DLG1: variants seen among roughly 807,000 people sequenced by gnomAD.
The protein encoded by DLG1 is disks large homolog 1.
In DLG1, 42 loss-of-function variants were observed where a neutral mutation model predicts 123.4. The ratio of observed to expected loss-of-function variants is 0.34; its 90% CI spans 0.27 to 0.44. The LOEUF (loss-of-function observed/expected upper bound fraction) is 0.44. DLG1 is among the 20% of genes least tolerant of loss of function. The pLI, the probability that DLG1 is intolerant of heterozygous loss-of-function variation, is 1.00. For synonymous variants in DLG1, 317 were observed against 356.2 expected (o/e 0.89, Z 1.24); for missense variants, 942 against 1,082.6 (o/e 0.87, Z 1.82).
intron 5 of DLG1, among the ~76,000 whole-genome samples, chr3:197,152,785 A>AAG: frequency 6.6e-6 from 1 of 150,750 alleles, no homozygotes. Context: ...AAAAAAAAAA[A>AAG]AGTCAAGTTT....
At chr3:197,105,056 G>C in intron 13 of DLG1, 51 bp from the exon 14 acceptor site, 4 of 1,184,262 alleles carry the variant, frequency 3.4e-6, no homozygotes, top group Non-Finnish European at 4.9e-6. Flanking sequence ...ACTGTGATTA[G>C]AAATCACAAT....
chr3:197,296,621 T>C, intron 2 of DLG1, 144 bp from the exon 3 acceptor site: 2 of 613,226 alleles, frequency 3.3e-6, no homozygotes, highest in Non-Finnish European at 5.4e-6. Flanking sequence ...TGTACACATA[T>C]TCCTTAGAAT....
At chr3:197,116,152 T>C (rs1302881436) in intron 12 of DLG1, 69 bp from the exon 13 acceptor site, 2 of 1,203,328 alleles carry the variant, frequency 1.7e-6, no homozygotes, top group Non-Finnish European at 2.3e-6. Context: ...CAGTGAGAAC[T>C]ACCTACTGAT....
intron 8 of DLG1, among the ~76,000 whole-genome samples, chr3:197,139,059 C>T (rs1255910434): frequency 1.3e-5 from 2 of 152,148 alleles, no homozygotes; most frequent in Non-Finnish European, 2.9e-5. Flanking sequence ...GATTAGGTCA[C>T]TTAATTCAAA....
At chr3:197,285,348 C>T (rs902692777) in intron 3 of DLG1, among the ~76,000 whole-genome samples, 4 of 151,914 alleles carry the variant, frequency 2.6e-5, no homozygotes, top group Non-Finnish European at 5.9e-5. Context: ...GCAATACTAA[C>T]TTAGGGTCAG....
intron 15 of DLG1, among the ~76,000 whole-genome samples, chr3:197,089,518 C>A (rs1258929498): frequency 1.4e-5 from 2 of 148,118 alleles, no homozygotes; most frequent in African/African-American, 2.5e-5. Flanking sequence ...CAAAGTGAGA[C>A]CCTGTCTTTA....
intron 7 of DLG1, among the ~76,000 whole-genome samples, chr3:197,140,914 A>C (rs1423861674): frequency 6.6e-6 from 1 of 152,220 alleles, no homozygotes; most frequent in East Asian, 1.9e-4. Flanking sequence ...CAGCAAAGTA[A>C]ATTTTGCCAA....
intron 5 of DLG1, among the ~76,000 whole-genome samples, chr3:197,181,387 C>G (rs557257446): frequency 1.3e-5 from 2 of 152,102 alleles, no homozygotes; most frequent in Non-Finnish European, 2.9e-5. Context: ...AATCGCAGTA[C>G]AAAACACTAT....
At chr3:197,182,134 T>C (rs1292020532) in intron 5 of DLG1, among the ~76,000 whole-genome samples, 1 of 152,056 alleles carries the variant, frequency 6.6e-6, no homozygotes, top group Non-Finnish European at 1.5e-5. Context: ...ATAAACCATA[T>C]ATATATATAA....
At chr3:197,237,538 T>C (rs1317454157) in intron 4 of DLG1, among the ~76,000 whole-genome samples, 3 of 152,162 alleles carry the variant, frequency 2.0e-5, no homozygotes, top group African/African-American at 7.2e-5. Flanking sequence ...ACCAACCATA[T>C]ACACACCAGC....
chr3:197,229,327 TA>T (rs35391772), intron 4 of DLG1, among the ~76,000 whole-genome samples: 3 of 150,924 alleles, frequency 2.0e-5, no homozygotes, highest in Non-Finnish European at 4.4e-5. Context: ...AGTCCATCTC[TA>T]AAAAAAATAT....
chr3:197,241,002 T>C (rs527408275), intron 4 of DLG1, among the ~76,000 whole-genome samples: 7 of 152,012 alleles, frequency 4.6e-5, no homozygotes, highest in East Asian at 1.9e-4. Flanking sequence ...AAAGAAATAA[T>C]AGAAAACTTT....
chr3:197,166,618 G>A (rs1296210344), intron 5 of DLG1, among the ~76,000 whole-genome samples: 2 of 152,168 alleles, frequency 1.3e-5, no homozygotes, highest in African/African-American at 4.8e-5. Flanking sequence ...GGCCGGGCAC[G>A]GAGGCTCATG....
intron 4 of DLG1, among the ~76,000 whole-genome samples, chr3:197,200,557 C>A (rs1281565215): frequency 6.6e-6 from 1 of 152,104 alleles, no homozygotes; most frequent in African/African-American, 2.4e-5. Context: ...CACTAATGAA[C>A]ATAGATGTAA....
chr3:197,163,068 A>G (rs868032936), intron 5 of DLG1, among the ~76,000 whole-genome samples: 22 of 152,246 alleles, frequency 1.4e-4, no homozygotes, highest in African/African-American at 5.1e-4. Flanking sequence ...CAAAGAAGGT[A>G]TACAAGTGGC....
intron 4 of DLG1, among the ~76,000 whole-genome samples, chr3:197,258,550 A>C (rs1463094372): frequency 6.6e-6 from 1 of 152,220 alleles, no homozygotes; most frequent in Admixed American, 6.5e-5. Context: ...CCGTGCCTAC[A>C]CAAGTGGGAG....
At chr3:197,297,106 G>T in intron 2 of DLG1, 80 bp downstream of exon 2, 1 of 1,496,936 alleles carries the variant, frequency 6.7e-7, no homozygotes, top group East Asian at 2.3e-5. Context: ...TTACACAAAC[G>T]ATTCTAAAAC....
intron 11 of DLG1, among the ~76,000 whole-genome samples, chr3:197,120,569 A>G (rs1775785103): frequency 6.6e-6 from 1 of 152,244 alleles, no homozygotes; most frequent in Non-Finnish European, 1.5e-5. Context: ...TTATTTAATT[A>G]TCAAGCATTA....
chr3:197,123,695 T>C (rs955127423), intron 11 of DLG1, among the ~76,000 whole-genome samples: 17 of 152,186 alleles, frequency 1.1e-4, no homozygotes, highest in African/African-American at 4.1e-4. Flanking sequence ...CGCTGGAGAC[T>C]AAACATATGC....
Sources: gnomAD v4.1 joint callset for allele counts (sites outside exome capture counted in the v4.1 genomes callset) on GRCh38, gnomAD v4.1.1 for gene constraint, MANE v1.5 for transcripts, NCBI Gene and HGNC (gene_info 2026-07-23, HGNC 2026-07-21) for gene names.